CD99L2: variants seen among roughly 807,000 people sequenced by gnomAD.
The protein encoded by CD99L2 is CD99 antigen-like protein 2.
In CD99L2, 24 loss-of-function variants were observed where a neutral mutation model predicts 27.3. That is an observed-to-expected ratio of 0.88 (90% CI 0.64 to 1.24). CD99L2 has a LOEUF of 1.24. Ranked by LOEUF, CD99L2 falls within the 50% of genes most tolerant of loss-of-function variation. CD99L2 has a pLI of 0.00. For synonymous variants in CD99L2, 97 were observed against 87.9 expected (o/e 1.10, Z -0.58); for missense variants, 255 against 221.6 (o/e 1.15, Z -0.96).
intron 1 of CD99L2, among the ~76,000 whole-genome samples, chrX:150,864,064 T>A (rs1172936042): frequency 8.9e-6 from 1 of 112,321 alleles, no homozygotes; most frequent in Non-Finnish European, 1.9e-5. Context: ...CAGTTTGTGA[T>A]ACTTTGTTAC....
chrX:150,864,002 C>T (rs782010661), intron 1 of CD99L2, among the ~76,000 whole-genome samples: 1 of 112,263 alleles, frequency 8.9e-6, no homozygotes, highest in South Asian at 3.7e-4. Context: ...TGATCTCAGA[C>T]TTCTAGCCTC....
intron 7 of CD99L2, among the ~76,000 whole-genome samples, chrX:150,787,587 C>G (rs1414750127): frequency 1.8e-5 from 2 of 109,733 alleles, no homozygotes; most frequent in African/African-American, 6.7e-5. Flanking sequence ...GAGTTCATGT[C>G]CTTTGCAGGG....
chrX:150,881,075 G>A (rs1557422479), intron 1 of CD99L2, among the ~76,000 whole-genome samples: 1 of 111,287 alleles, frequency 9.0e-6, no homozygotes. Context: ...GAGCTAGAGC[G>A]AGTGAGAGGG....
At chrX:150,792,458 T>C (rs1453653970) in intron 7 of CD99L2, among the ~76,000 whole-genome samples, 1 of 112,275 alleles carries the variant, frequency 8.9e-6, no homozygotes, top group Non-Finnish European at 1.9e-5. Flanking sequence ...ATTTAGAGGC[T>C]TTTTGTGCTT....
At chrX:150,845,116 C>G (rs937757105) in intron 1 of CD99L2, among the ~76,000 whole-genome samples, 1 of 112,040 alleles carries the variant, frequency 8.9e-6, no homozygotes, top group African/African-American at 3.2e-5. Flanking sequence ...CCTTTTCACA[C>G]AGAAACGTAA....
chrX:150,832,169 C>T (rs1557421086), intron 1 of CD99L2, among the ~76,000 whole-genome samples: 1 of 112,535 alleles, frequency 8.9e-6, no homozygotes, highest in Admixed American at 9.4e-5. Context: ...CAAGTCTTTA[C>T]AAATTTAAGA....
intron 8 of CD99L2, chrX:150,777,172 A>C: frequency 2.5e-6 from 1 of 399,047 alleles, no homozygotes; most frequent in Non-Finnish European, 4.3e-6. Context: ...TGTAAAGATC[A>C]GCTATCAGTT....
At chrX:150,807,998 T>A (rs2046020165) in intron 4 of CD99L2, among the ~76,000 whole-genome samples, 1 of 112,753 alleles carries the variant, frequency 8.9e-6, no homozygotes, top group South Asian at 3.7e-4. Context: ...TGCATACGTA[T>A]ACCTACAGGG....
In CD99L2 at chrX:150,767,979, A is replaced by G. The variant is rs1456876124; in HGVS notation, c.*1055T>C. 8.9e-6 allele frequency: 1 copy of G among 112,226 alleles called. No homozygotes were observed. The highest frequency in any genetic ancestry group is 1.9e-5 in the Non-Finnish European group (1 of 53,160). 9.2% of individuals were successfully genotyped at this position (112,226 alleles called of 1,213,427 possible). A position where few individuals can be genotyped will look rare whatever the true frequency, so the allele number is the denominator to read the frequency against. On this transcript the variant is annotated 3_prime_UTR_variant, in exon 11 of 11. Coordinates refer to ENST00000370377, the MANE Select transcript of CD99L2 (RefSeq NM_031462.4). ...GGTTCCTGTGTTTGCCACGGTGAGC[A>G]TGGCTCCCCACGCACTCTCCCTCAG...
intron 10 of CD99L2, among the ~76,000 whole-genome samples, chrX:150,769,784 C>T (rs982493638): frequency 3.7e-5 from 4 of 109,003 alleles, no homozygotes; most frequent in Non-Finnish European, 7.5e-5. Flanking sequence ...GTTGGGCACT[C>T]TAGGCCTGTG....
At chrX:150,791,890 T>C (rs1452041635) in intron 7 of CD99L2, among the ~76,000 whole-genome samples, 1 of 111,849 alleles carries the variant, frequency 8.9e-6, no homozygotes, top group Non-Finnish European at 1.9e-5. Flanking sequence ...ACAAATAATG[T>C]ATTGTTTCAA....
chrX:150,872,363 C>A (rs1458431697), intron 1 of CD99L2, among the ~76,000 whole-genome samples: 1 of 109,550 alleles, frequency 9.1e-6, no homozygotes, highest in Non-Finnish European at 1.9e-5. Context: ...TTGAAACTGA[C>A]TGAACTTAAA....
At chrX:150,878,378 T>C (rs1044648590) in intron 1 of CD99L2, among the ~76,000 whole-genome samples, 15 of 106,392 alleles carry the variant, frequency 1.4e-4, no homozygotes, top group African/African-American at 4.8e-4. Context: ...GGGGGAAAAA[T>C]GTCCCATTCA....
intron 1 of CD99L2, among the ~76,000 whole-genome samples, chrX:150,896,089 C>T (rs1676979945): frequency 9.4e-6 from 1 of 106,169 alleles, no homozygotes; most frequent in Non-Finnish European, 1.9e-5. Context: ...AAAGCTGCTT[C>T]TGGTTTCAGT....
chrX:150,825,504 C>T (rs1242105549), intron 2 of CD99L2, among the ~76,000 whole-genome samples: 1 of 112,154 alleles, frequency 8.9e-6, no homozygotes, highest in Non-Finnish European at 1.9e-5. Flanking sequence ...CTGCAGGTGC[C>T]ATTCAAGAGA....
intron 7 of CD99L2, 109 bp from the exon 8 acceptor site, chrX:150,777,591 G>C: frequency 1.3e-6 from 1 of 789,821 alleles, no homozygotes; most frequent in Non-Finnish European, 1.8e-6. Context: ...CCACCTATGC[G>C]ACAAGACCCC....
At chrX:150,856,678 C>T (rs782577321) in intron 1 of CD99L2, among the ~76,000 whole-genome samples, 9 of 109,545 alleles carry the variant, frequency 8.2e-5, no homozygotes, top group Non-Finnish European at 1.7e-4. Context: ...GATCAGACAT[C>T]AATGTAAAGA....
intron 1 of CD99L2, among the ~76,000 whole-genome samples, chrX:150,836,042 A>C (rs1178025971): frequency 9.0e-6 from 1 of 111,663 alleles, no homozygotes; most frequent in Non-Finnish European, 1.9e-5. Context: ...AGTTTTTCAC[A>C]ATAGAATTTG....
At chrX:150,817,455 C>T (rs950775928) in intron 2 of CD99L2, among the ~76,000 whole-genome samples, 2 of 111,321 alleles carry the variant, frequency 1.8e-5, no homozygotes, top group African/African-American at 6.5e-5. Context: ...GTCTTTTGAG[C>T]TCAACCACAT....
Sources: allele counts gnomAD v4.1 joint callset (sites outside exome capture counted in the v4.1 genomes callset), GRCh38; gene constraint gnomAD v4.1.1; transcripts MANE v1.5; gene names NCBI Gene and HGNC (gene_info 2026-07-23, HGNC 2026-07-21).